The following SYDE2 variants were observed in gnomAD, a reference collection of about 807,000 sequenced individuals.
The protein encoded by SYDE2 is rho GTPase-activating protein SYDE2.
Under a neutral mutation model 91.5 loss-of-function variants are expected in SYDE2, and 76 were observed. The ratio of observed to expected loss-of-function variants is 0.83; its 90% CI spans 0.69 to 1.01. The LOEUF (loss-of-function observed/expected upper bound fraction) is 1.01, where lower values mean the gene tolerates loss of function less well. SYDE2 is among the 50% of genes least tolerant of loss of function. The pLI, the probability that SYDE2 is intolerant of heterozygous loss-of-function variation, is 0.00. For synonymous variants in SYDE2, 513 were observed against 506.4 expected (o/e 1.01, Z -0.18); for missense variants, 1,364 against 1,367.7 (o/e 1.00, Z 0.04).
At position 85,200,446 on chromosome 1, in the gene SYDE2, G is replaced by A. The variant is rs368656842; in HGVS notation, c.551C>T (p.Pro184Leu). The change falls in exon 1 of 7, where the codon CCG (proline) becomes CTG (leucine). Residue 184 changes from proline to leucine, a missense_variant. Transcript: ENST00000341460. ...RQEGPSFLRP[P>L]AVTVKKLQKW... Reference sequence around the variant, plus strand: ...CTGCAGCTTCTTGACTGTCACTGCCGGCGGCCTGAGGAAGGAGGGGCCTTC... The same window carrying A: ...CTGCAGCTTCTTGACTGTCACTGCCAGCGGCCTGAGGAAGGAGGGGCCTTC... 2.5e-6 allele frequency: 4 copies of A among 1,613,814 alleles called. No homozygotes were observed. The African/African-American group carries it at 4.0e-5, about 16-fold the overall frequency.
intron 5 of SYDE2, among the ~76,000 whole-genome samples, chr1:85,165,865 A>ATTTTTTTTTTTTTTTTTTTTTTTTTT (rs529987571): frequency 1.1e-5 from 1 of 94,142 alleles, no homozygotes; most frequent in Non-Finnish European, 2.0e-5. Flanking sequence ...AAAAACTTTA[A>ATTTTTTTTTTTTTTTTTTTTTTTTTT]TTTTTTTTTT....
Position 85,182,101 on chromosome 1 carries a change from A to C in SYDE2, c.2541T>G (p.Cys847Trp). The C allele has an allele frequency of 6.3e-7, 1 of 1,580,676 alleles. No individual in the cohort carries two copies. Among genetic ancestry groups the C allele is most frequent in the South Asian group, 1.2e-5 (1 of 83,606 alleles). Residue 847 changes from cysteine to tryptophan, a missense_variant, in exon 3 of 7, where the codon TGT (cysteine) becomes TGG (tryptophan). By Grantham distance (215) the Cys-to-Trp change is radical. Transcript: ENST00000341460. Reference sequence around the variant, plus strand: ...GGGAACCATAGTAAGATAATACCTGACAGCCTCTCTTTTCAATTTCCATAA... The same window carrying C: ...GGGAACCATAGTAAGATAATACCTGCCAGCCTCTCTTTTCAATTTCCATAA... ...KCIMEIEKRG[C>W]QVVGLYRLCG...
chr1:85,164,007 T>G (rs1657172040), intron 6 of SYDE2, among the ~76,000 whole-genome samples: 1 of 152,182 alleles, frequency 6.6e-6, no homozygotes. Context: ...TGACCATGAA[T>G]GCAGTTAAAG....
Position 85,190,334 on chromosome 1 carries a change from A to C in SYDE2, c.1164T>G (p.Ser388Arg). 6.2e-7 allele frequency: 1 copy of C among 1,613,828 alleles called. No individual in the cohort carries two copies. The change falls in exon 2 of 7, where the codon AGT (serine) becomes AGG (arginine). Residue 388 changes from serine (S) to arginine (R), a missense_variant. Physicochemically the swap from Ser to Arg is moderately radical, Grantham distance 110. Coordinates refer to ENST00000341460, the MANE Select transcript of SYDE2 (RefSeq NM_032184.2). ...GAACAGCAGAGTCGGCCTCACCAAA[A>C]CTCAAGGCACTTGATATACCAAGGT... The part of the protein sequence containing the change: ...DDDLGISSAL[S>R]FGEADSAVLK...
intron 2 of SYDE2, among the ~76,000 whole-genome samples, chr1:85,187,613 A>G (rs1407019423): frequency 6.6e-6 from 1 of 150,960 alleles, no homozygotes; most frequent in East Asian, 2.0e-4. Flanking sequence ...CTTGGAACCA[A>G]CCCAAATGTC....
intron 1 of SYDE2, among the ~76,000 whole-genome samples, chr1:85,197,159 T>C (rs1658616502): frequency 2.6e-5 from 4 of 152,220 alleles, no homozygotes; most frequent in Admixed American, 2.6e-4. Flanking sequence ...ATTTTTATTA[T>C]GTGTAATGAC....
intron 2 of SYDE2, among the ~76,000 whole-genome samples, chr1:85,188,954 A>G (rs1166778797): frequency 6.6e-6 from 1 of 152,220 alleles, no homozygotes; most frequent in African/African-American, 2.4e-5. Flanking sequence ...TGTAAATTAA[A>G]ATGACTTGAT....
chr1:85,179,295 A>G (rs1657823756), intron 3 of SYDE2, among the ~76,000 whole-genome samples: 1 of 152,206 alleles, frequency 6.6e-6, no homozygotes, highest in South Asian at 2.1e-4. Context: ...GCAATAAATG[A>G]TCTAGAGGAA....
At position 85,200,434 on chromosome 1, in the gene SYDE2, A is replaced by C; in HGVS notation, c.563T>G (p.Val188Gly). 6.2e-7 allele frequency: 1 copy of C among 1,613,890 alleles called. No homozygotes were observed. The highest frequency in any genetic ancestry group is 8.5e-7 in the Non-Finnish European group (1 of 1,179,874). The change falls in exon 1 of 7, where the codon GTC (valine) becomes GGC (glycine). Residue 188 changes from valine (V) to glycine (G), a missense_variant. Physicochemically the swap from Val to Gly is moderately radical, Grantham distance 109. Coordinates refer to ENST00000341460, the MANE Select transcript of SYDE2 (RefSeq NM_032184.2). ...GTACATCCACTTCTGCAGCTTCTTG[A>C]CTGTCACTGCCGGCGGCCTGAGGAA... ...PSFLRPPAVT[V>G]KKLQKWMYKG...
chr1:85,159,280 A>T lies in SYDE2; in HGVS notation c.3086-31T>A, dbSNP rs201549733. On this transcript the variant is annotated intron_variant, in intron 6 of 6. Coordinates refer to ENST00000341460, the MANE Select transcript of SYDE2 (RefSeq NM_032184.2). ...AACAAACAATAATTTTGCTTTAGTG[A>T]CAGTAATCCAACTGAACTTAAAAAA... 1.3e-4 allele frequency: 103 copies of T among 764,494 alleles called. No individual in the cohort carries two copies. The East Asian group carries it at 2.5e-3, about 18-fold the overall frequency. The allele number at this position is 764,494 out of a possible 1,614,324, so 47.4% of individuals were successfully genotyped here. A position where few individuals can be genotyped will look rare whatever the true frequency, so the allele number is the denominator to read the frequency against.
rs1266105911 is a variant in SYDE2 at position 85,157,711 on chromosome 1, T to A, written c.*1039A>T. ...GAGTATTATTGTTCAAGTGTTTTTA[T>A]GTAATTCCTCCTTTAATTTAAATGT... On this transcript the variant is annotated 3_prime_UTR_variant, in exon 7 of 7. Coordinates refer to ENST00000341460, the MANE Select transcript of SYDE2 (RefSeq NM_032184.2). 6.6e-6 allele frequency: 1 copy of A among 152,206 alleles called. No individual in the cohort carries two copies. The highest frequency in any genetic ancestry group is 1.5e-5 in the Non-Finnish European group (1 of 68,026). 9.4% of individuals were successfully genotyped at this position (152,206 alleles called of 1,614,324 possible).
chr1:85,189,940 C>T, intron 2 of SYDE2, 117 bp downstream of exon 2: 1 of 802,506 alleles, frequency 1.2e-6, no homozygotes, highest in South Asian at 2.2e-5. Flanking sequence ...AAAATATATT[C>T]ACTTCACAAG....
intron 1 of SYDE2, among the ~76,000 whole-genome samples, chr1:85,193,594 T>C (rs936017064): frequency 9.3e-5 from 14 of 151,046 alleles, no homozygotes; most frequent in African/African-American, 3.1e-4. Context: ...CTTCCATTGA[T>C]ATAATCATTT....
In SYDE2 at chr1:85,190,534, G is replaced by C. The variant is rs751950712; in HGVS notation, c.964C>G (p.Pro322Ala). 8.7e-6 allele frequency: 14 copies of C among 1,613,872 alleles called. No homozygotes were observed. Among genetic ancestry groups the C allele is most frequent in the Non-Finnish European group, 1.1e-5 (13 of 1,179,892 alleles). ...SHLSISPVSL[P>A]KHQLSQSFLK... is the part of the protein sequence containing the mutation. ...AAAGACTGTGATAGCTGATGTTTAGGTAGAGACACAGGTGAGATGGATAAA... is the reference window on the plus strand; with the variant it reads ...AAAGACTGTGATAGCTGATGTTTAGCTAGAGACACAGGTGAGATGGATAAA... The change falls in exon 2 of 7, where the codon CCT becomes GCT. Residue 322 changes from proline (P) to alanine (A), a missense_variant. By Grantham distance (27) the Pro-to-Ala change is conservative. Transcript: ENST00000341460.
chr1:85,185,999 G>A (rs1570264248), intron 2 of SYDE2, among the ~76,000 whole-genome samples: 1 of 152,082 alleles, frequency 6.6e-6, no homozygotes, highest in South Asian at 2.1e-4. Flanking sequence ...AGAGTTTTTA[G>A]CATGAAGGGT....
chr1:85,173,833 T>C (rs1657590280), intron 4 of SYDE2, among the ~76,000 whole-genome samples: 1 of 152,190 alleles, frequency 6.6e-6, no homozygotes, highest in South Asian at 2.1e-4. Flanking sequence ...TTATTATAAC[T>C]GTATTTCATA....
intron 5 of SYDE2, among the ~76,000 whole-genome samples, chr1:85,167,308 C>A (rs993213411): frequency 4.6e-5 from 7 of 151,858 alleles, no homozygotes; most frequent in African/African-American, 1.7e-4. Flanking sequence ...ATAAGCAATT[C>A]CACTTCTGAG....
At position 85,182,798 on chromosome 1, in the gene SYDE2, G is replaced by A. The variant is rs934513885; in HGVS notation, c.1844C>T (p.Ser615Phe). The change falls in exon 3 of 7, where the codon TCC becomes TTC. Residue 615 changes from serine to phenylalanine, a missense_variant. Ser to Phe is a radical substitution (Grantham distance 155). Coordinates refer to ENST00000341460, the MANE Select transcript of SYDE2 (RefSeq NM_032184.2). ...ATCACTAAGGTAACCACCTTTGCAG[G>A]AATACTTAGAACTCATAGAGTTTTT... ...QKKNSMSSKY[S>F]CKGGYLSDGD... The A allele has an allele frequency of 9.9e-6, 16 of 1,613,762 alleles. No homozygotes were observed. The Admixed American group carries it at 1.3e-4, about 13-fold the overall frequency.
intron 3 of SYDE2, among the ~76,000 whole-genome samples, chr1:85,180,940 A>C (rs963119771): frequency 1.3e-5 from 2 of 152,132 alleles, no homozygotes; most frequent in Non-Finnish European, 2.9e-5. Flanking sequence ...AAAGAAAAAA[A>C]CAGAATCTTA....
Sources: gnomAD v4.1 joint callset for allele counts (sites outside exome capture counted in the v4.1 genomes callset) on GRCh38, gnomAD v4.1.1 for gene constraint, MANE v1.5 for transcripts, NCBI Gene and HGNC (gene_info 2026-07-23, HGNC 2026-07-21) for gene names.